The following LYST variants were observed in gnomAD, a reference collection of about 807,000 sequenced individuals.
LYST encodes lysosomal trafficking regulator, also known as lysosomal-trafficking regulator.
Under a neutral mutation model 413.6 loss-of-function variants are expected in LYST, and 192 were observed. The ratio of observed to expected loss-of-function variants is 0.46; its 90% CI spans 0.41 to 0.52. The LOEUF (loss-of-function observed/expected upper bound fraction) is 0.52. Among genes scored for constraint, LYST ranks in the 20% least tolerant of loss-of-function variants. The pLI is 0.00. For synonymous variants in LYST, 1,525 were observed against 1,567.3 expected (o/e 0.97, Z 0.64); for missense variants, 3,815 against 4,499.9 (o/e 0.85, Z 4.35).
chr1:235,665,223 A>G (rs1451904985), intron 50 of LYST, among the ~76,000 whole-genome samples: 1 of 152,254 alleles, frequency 6.6e-6, no homozygotes, highest in African/African-American at 2.4e-5. Context: ...ATATTTCAGC[A>G]TATGAACCAC....
At chr1:235,825,701 T>C (rs948955395) in intron 3 of LYST, among the ~76,000 whole-genome samples, 2 of 152,362 alleles carry the variant, frequency 1.3e-5, no homozygotes, top group East Asian at 3.9e-4. Flanking sequence ...TAAATAGAGT[T>C]TGATATCATG....
At chr1:235,756,007 CTATATCTAT>C (rs1667008384) in intron 24 of LYST, among the ~76,000 whole-genome samples, 1 of 72,496 alleles carries the variant, frequency 1.4e-5, no homozygotes, top group Non-Finnish European at 2.7e-5. Flanking sequence ...AAATCTATAT[CTATATCTAT>C]ATCTATATCT....
At chr1:235,751,883 T>C in intron 27 of LYST, 122 bp downstream of exon 27, 1 of 760,616 alleles carries the variant, frequency 1.3e-6, no homozygotes, top group Non-Finnish European at 2.1e-6. Flanking sequence ...TGATAGATAC[T>C]ATTACAAAAT....
intron 3 of LYST, among the ~76,000 whole-genome samples, chr1:235,823,296 A>T (rs1489312711): frequency 6.6e-6 from 1 of 152,198 alleles, no homozygotes; most frequent in Non-Finnish European, 1.5e-5. Flanking sequence ...ACATCCTCTC[A>T]TTCCTGTCAG....
chr1:235,728,651 T>C (rs556383058), intron 37 of LYST, among the ~76,000 whole-genome samples: 1 of 152,294 alleles, frequency 6.6e-6, no homozygotes, highest in African/African-American at 2.4e-5. Context: ...TGCTAACCCA[T>C]GTCCCTACAT....
chr1:235,753,205 T>G lies in LYST; in HGVS notation c.7299A>C (p.Leu2433=), dbSNP rs1666675964. The change falls in exon 26 of 53, where the codon CTA becomes CTC. Residue 2433 remains leucine, a synonymous_variant. Coordinates refer to ENST00000389793, the MANE Select transcript of LYST (RefSeq NM_000081.4). The part of the protein sequence containing the change: ...QKWSVIPILG[L]IETSLYDNIL... The stretch of plus-strand genomic sequence containing the variant: ...TGTTGTCATATAGAGAGGTCTCTAT[T>G]AGTCCCAGAATAGGAATGACAGACC... The G allele has an allele frequency of 6.2e-7, 1 of 1,610,030 alleles. No homozygotes were observed. The highest frequency in any genetic ancestry group is 1.1e-5 in the South Asian group (1 of 90,978).
chr1:235,783,445 A>C (rs545043011), intron 14 of LYST, among the ~76,000 whole-genome samples: 25 of 152,118 alleles, frequency 1.6e-4, no homozygotes, highest in Non-Finnish European at 3.5e-4. Flanking sequence ...ACATACGGAC[A>C]CAGGGAGGGG....
intron 42 of LYST, chr1:235,712,597 T>C: frequency 2.0e-6 from 2 of 984,114 alleles, no homozygotes; most frequent in Non-Finnish European, 2.4e-6. Flanking sequence ...TAAGTTCAAG[T>C]AGGCAAACAG....
At chr1:235,857,330 A>C (rs754949253) in intron 1 of LYST, among the ~76,000 whole-genome samples, 8 of 152,160 alleles carry the variant, frequency 5.3e-5, no homozygotes, top group Non-Finnish European at 8.8e-5. Context: ...TACTAGCCTA[A>C]GATGACTTTC....
In LYST at chr1:235,811,028, C is replaced by G. The variant is rs566404154; in HGVS notation, c.284-494G>C. On this transcript the variant is annotated intron_variant, in intron 4 of 52. Transcript: ENST00000389793. The stretch of plus-strand genomic sequence containing the variant: ...GATGTGGTGGTGCACGCCTGTAATC[C>G]CAGCTACTTGGGAGCCTGAGGCAGG... Among the ~76,000 whole-genome samples the G allele has an allele frequency of 2.9e-3, 444 of 152,212 alleles. 3 individuals carry two copies. Among genetic ancestry groups the G allele is most frequent in the African/African-American group, 0.01 (422 of 41,532 alleles).
At chr1:235,773,359 G>A (rs1432249813) in intron 19 of LYST, among the ~76,000 whole-genome samples, 1 of 151,720 alleles carries the variant, frequency 6.6e-6, no homozygotes, top group Non-Finnish European at 1.5e-5. Context: ...AAAAAAACGA[G>A]TATATGCTTC....
rs1404783209 is a variant in LYST, at chr1:235,724,161, T to A, written c.9182A>T (p.Glu3061Val). ...ATATGTCCAGGAAAATGATGCTGGT[T>A]CCAACTCTCCCTGAAGGCTCTAAGA... ...VESSSLQGEL[E>V]PASFSWTYEE... is the part of the protein sequence containing the mutation. Residue 3061 changes from glutamate to valine, a missense_variant, in exon 39 of 53, where the codon GAA becomes GTA. Physicochemically the swap from Glu to Val is moderately radical, Grantham distance 121. Around this residue, in one of 4 missense-constraint regions of LYST, gnomAD observed 866 missense variants for 1,156.0 expected, o/e 0.75. Coordinates refer to ENST00000389793, the MANE Select transcript of LYST (RefSeq NM_000081.4). 1 of 1,613,902 alleles carries A rather than the reference T, an allele frequency of 6.2e-7. No individual in the cohort carries two copies. The highest frequency in any genetic ancestry group is 8.5e-7 in the Non-Finnish European group (1 of 1,179,836).
At chr1:235,827,643 A>G (rs1367516941) in intron 3 of LYST, 2 of 984,890 alleles carry the variant, frequency 2.0e-6, no homozygotes, top group East Asian at 1.1e-4. Context: ...TATGTTTTAA[A>G]TGGCTATTTA....
At chr1:235,775,653 G>T (rs562013272) in intron 17 of LYST, among the ~76,000 whole-genome samples, 1 of 152,218 alleles carries the variant, frequency 6.6e-6, no homozygotes, top group South Asian at 2.1e-4. Context: ...ATCCCTCTCT[G>T]CTTGGTTTAA....
chr1:235,791,827 C>CCTT lies in LYST; in HGVS notation c.4412_4414dup (p.Glu1471dup). 6.2e-7 allele frequency: 1 copy of CCTT among 1,614,140 alleles called. No individual in the cohort carries two copies. The highest frequency in any genetic ancestry group is 8.5e-7 in the Non-Finnish European group (1 of 1,180,010). On this transcript the variant is annotated inframe_insertion, in exon 12 of 53. Transcript: ENST00000389793. Reference sequence around the variant, plus strand: ...ATTAAACCACAGGGAAACACTGAAACCTTCTGATAGGTGTGGCCAGCAGTT... The same window carrying CCTT: ...ATTAAACCACAGGGAAACACTGAAACCTTCTTCTGATAGGTGTGGCCAGCAGTT...
chr1:235,827,514 T>G, intron 3 of LYST: 1 of 979,186 alleles, frequency 1.0e-6, no homozygotes, highest in Non-Finnish European at 1.2e-6. Flanking sequence ...CATACAACTA[T>G]GTGTCTAGTG....
rs1658042067 is a variant in LYST at position 235,661,437 on chromosome 1, T to C, written c.*1503A>G. 1 of 152,346 alleles carries C rather than the reference T, an allele frequency of 6.6e-6. No individual in the cohort carries two copies. Among genetic ancestry groups the C allele is most frequent in the Non-Finnish European group, 1.5e-5 (1 of 68,046 alleles). The allele number at this position is 152,346 out of a possible 1,614,324, so 9.4% of individuals were successfully genotyped here. A position where few individuals can be genotyped will look rare whatever the true frequency, so the allele number is the denominator to read the frequency against. On this transcript the variant is annotated 3_prime_UTR_variant, in exon 53 of 53. Coordinates refer to ENST00000389793, the MANE Select transcript of LYST (RefSeq NM_000081.4). ...ACGTGAATAGGAGTAATCTCATCTCTGCACCTCCATGGACCTCAGGATTCA... is the reference window on the plus strand; with the variant it reads ...ACGTGAATAGGAGTAATCTCATCTCCGCACCTCCATGGACCTCAGGATTCA...
intron 43 of LYST, among the ~76,000 whole-genome samples, chr1:235,711,349 C>G (rs1464333456): frequency 1.3e-5 from 2 of 152,176 alleles, no homozygotes. Flanking sequence ...TGGCATGAAT[C>G]TACTGATGAT....
chr1:235,875,483 G>A (rs566295381), intron 1 of LYST, among the ~76,000 whole-genome samples: 1 of 152,288 alleles, frequency 6.6e-6, no homozygotes, highest in African/African-American at 2.4e-5. Context: ...ACTCTCCAGA[G>A]TGGCTGGTGG....
Sources: allele counts gnomAD v4.1 joint callset (sites outside exome capture counted in the v4.1 genomes callset), GRCh38; gene constraint gnomAD v4.1.1; regional missense constraint gnomAD v4.1.1; transcripts MANE v1.5; gene names NCBI Gene and HGNC (gene_info 2026-07-23, HGNC 2026-07-21).